RAB3IP: variants seen among roughly 807,000 people sequenced by gnomAD.
The protein encoded by RAB3IP is RAB3A interacting protein, also known as rab-3A-interacting protein.
Under a neutral mutation model 59.1 loss-of-function variants are expected in RAB3IP, and 36 were observed. The ratio of observed to expected loss-of-function variants is 0.61; its 90% confidence interval spans 0.47 to 0.80. The LOEUF (loss-of-function observed/expected upper bound fraction) is 0.80, where lower values mean the gene tolerates loss of function less well. Ranked by LOEUF, RAB3IP falls within the 30% of genes least tolerant of loss-of-function variation. The pLI is 0.00. For synonymous variants in RAB3IP, 207 were observed against 191.2 expected, an observed-to-expected ratio of 1.08 and a Z score of -0.68; for missense variants, 511 against 536.0, an observed-to-expected ratio of 0.95 and a Z score of 0.46.
Position 69,815,684 on chromosome 12 carries a change from C to CA in RAB3IP, c.*252dup, listed in dbSNP as rs373112558. ...ACTAGTGAATGTAATTTATAGTTGC[C>CA]AAAAAAAAAAAAAACCTGAAATAAA... On this transcript the variant is annotated 3_prime_UTR_variant, in exon 11 of 11. Transcript: ENST00000247833. 12,841 of 211,928 alleles carry CA rather than the reference C, an allele frequency of 0.061. 145 individuals are homozygous for CA. Among genetic ancestry groups the CA allele is most frequent in the Middle Eastern group, 0.08 (53 of 664 alleles). 13.1% of individuals were successfully genotyped at this position (211,928 alleles called of 1,614,324 possible). A position where few individuals can be genotyped will look rare whatever the true frequency, so the allele number is the denominator to read the frequency against.
chr12:69,811,652 G>C (rs1440306648), intron 8 of RAB3IP, among the ~76,000 whole-genome samples: 1 of 152,102 alleles, frequency 6.6e-6, no homozygotes, highest in Non-Finnish European at 1.5e-5. Context: ...CTAGTAGTTA[G>C]TGCTTTTAAA....
chr12:69,753,684 T>C (rs10735956), intron 1 of RAB3IP, among the ~76,000 whole-genome samples: 151,012 of 152,306 alleles, frequency 0.99, 74,879 homozygotes, highest in Middle Eastern at 1. Flanking sequence ...AAGATGTTAT[T>C]CACAACTGTC....
intron 8 of RAB3IP, among the ~76,000 whole-genome samples, chr12:69,810,529 A>G (rs1409329342): frequency 1.3e-5 from 2 of 152,202 alleles, no homozygotes; most frequent in East Asian, 3.9e-4. Flanking sequence ...CTCCAGAAAT[A>G]AAAACTGGTT....
At chr12:69,780,165 C>T (rs1035930819) in intron 3 of RAB3IP, among the ~76,000 whole-genome samples, 4 of 152,158 alleles carry the variant, frequency 2.6e-5, no homozygotes, top group Non-Finnish European at 5.9e-5. Flanking sequence ...GGCCAACGAC[C>T]CGAACCTGGA....
At chr12:69,795,612 G>C in intron 6 of RAB3IP, 1 of 519,682 alleles carries the variant, frequency 1.9e-6, no homozygotes, top group Non-Finnish European at 3.4e-6. Context: ...GTGTTGTCTA[G>C]AGGAGAGTGG....
chr12:69,758,079 G>C (rs1241021205), intron 3 of RAB3IP, among the ~76,000 whole-genome samples: 1 of 152,170 alleles, frequency 6.6e-6, no homozygotes, highest in African/African-American at 2.4e-5. Context: ...AAGGACTCTT[G>C]AATATAAAAA....
chr12:69,779,404 C>G (rs577068334), intron 3 of RAB3IP, among the ~76,000 whole-genome samples: 1 of 151,992 alleles, frequency 6.6e-6, no homozygotes, highest in African/African-American at 2.4e-5. Context: ...AGCTGTAGAC[C>G]GGAGCTGTTC....
In RAB3IP at chr12:69,820,871, A is replaced by AAAC. The variant is rs1555233330; in HGVS notation, c.*5427_*5428insCAA. The AAAC allele has an allele frequency of 2.6e-5, 4 of 151,780 alleles. No individual in the cohort carries two copies. Among genetic ancestry groups the AAAC allele is most frequent in the Admixed American group, 1.3e-4 (2 of 15,206 alleles). The allele number at this position is 151,780 out of a possible 1,614,324, so 9.4% of individuals were successfully genotyped here. ...GAAACTCCGTCTGAAAAAAAAAAAAAAAAACCCAAACTCAATAGAAAATCA... is the reference window on the plus strand; with the variant it reads ...GAAACTCCGTCTGAAAAAAAAAAAAAAACAAAACCCAAACTCAATAGAAAATCA... On this transcript the variant is annotated 3_prime_UTR_variant, in exon 11 of 11. Transcript: ENST00000247833.
At chr12:69,798,139 A>G (rs1373965403) in intron 6 of RAB3IP, among the ~76,000 whole-genome samples, 1 of 152,196 alleles carries the variant, frequency 6.6e-6, no homozygotes, top group Non-Finnish European at 1.5e-5. Context: ...CAGTCCCACC[A>G]ACAGTGTAAA....
intron 3 of RAB3IP, among the ~76,000 whole-genome samples, chr12:69,765,426 G>GAC: frequency 6.6e-6 from 1 of 152,084 alleles, no homozygotes; most frequent in Non-Finnish European, 1.5e-5. Flanking sequence ...TTCTATTTAT[G>GAC]TTGTGAATCA....
intron 8 of RAB3IP, among the ~76,000 whole-genome samples, chr12:69,802,375 G>A (rs1179288959): frequency 6.6e-6 from 1 of 151,996 alleles, no homozygotes; most frequent in Non-Finnish European, 1.5e-5. Context: ...TCATATGTGA[G>A]TCTTACTTGA....
chr12:69,796,705 G>T, intron 6 of RAB3IP: 2 of 564,334 alleles, frequency 3.5e-6, no homozygotes, highest in South Asian at 2.3e-5. Context: ...ATTCACATTG[G>T]TTTCTGTTAA....
chr12:69,786,285 T>G, intron 4 of RAB3IP, among the ~76,000 whole-genome samples: 1 of 152,266 alleles, frequency 6.6e-6, no homozygotes, highest in East Asian at 1.9e-4. Context: ...CAAGTAACAT[T>G]GCCCTGAATG....
At chr12:69,801,944 A>C (rs527688293) in intron 8 of RAB3IP, among the ~76,000 whole-genome samples, 24 of 147,308 alleles carry the variant, frequency 1.6e-4, no homozygotes, top group Admixed American at 6.0e-4. Context: ...GTTGGTGCAA[A>C]AGTAATCGTG....
chr12:69,779,684 AT>A (rs34446445), intron 3 of RAB3IP, among the ~76,000 whole-genome samples: 120,181 of 143,726 alleles, frequency 0.84, 50,892 homozygotes, highest in Non-Finnish European at 0.93. Context: ...TAGCTAGGGA[AT>A]TTTTTTTTTT....
Position 69,821,924 on chromosome 12 carries a change from C to G in RAB3IP, c.*6478C>G, listed in dbSNP as rs1481079522. 6.6e-6 allele frequency: 1 copy of G among 152,204 alleles called. No individual in the cohort carries two copies. The highest frequency in any genetic ancestry group is 1.5e-5 in the Non-Finnish European group (1 of 68,060). The allele number at this position is 152,204 out of a possible 1,614,324, so 9.4% of individuals were successfully genotyped here. A position where few individuals can be genotyped will look rare whatever the true frequency, so the allele number is the denominator to read the frequency against. On this transcript the variant is annotated 3_prime_UTR_variant, in exon 11 of 11. Transcript: ENST00000247833. ...CCTTGGAAGTATTTCAGTTCGGAAC[C>G]CCAATTCTAACCTTAGCTTCTCAGG...
chr12:69,791,269 T>G (rs957680026), intron 4 of RAB3IP, among the ~76,000 whole-genome samples: 4 of 152,134 alleles, frequency 2.6e-5, no homozygotes, highest in Non-Finnish European at 5.9e-5. Flanking sequence ...TTGACATTGG[T>G]CTGGGCAGTG....
Position 69,739,570 on chromosome 12 carries a change from G to T in RAB3IP, c.-26+539G>T. The T allele has an allele frequency of 7.6e-6, 4 of 526,080 alleles. No homozygotes were observed. The South Asian group carries it at 8.8e-5, about 12-fold the overall frequency. 32.6% of individuals were successfully genotyped at this position (526,080 alleles called of 1,614,324 possible). A position where few individuals can be genotyped will look rare whatever the true frequency, so the allele number is the denominator to read the frequency against. On this transcript the variant is annotated intron_variant, in intron 1 of 10. Transcript: ENST00000247833. Reference sequence around the variant, plus strand: ...CCCAGTCTTAGGAAACTACGCGCGAGGCACCGTGCTGAGGCGTAGAGGTCA... The same window carrying T: ...CCCAGTCTTAGGAAACTACGCGCGATGCACCGTGCTGAGGCGTAGAGGTCA...
In RAB3IP at chr12:69,796,739, TA is replaced by T. The variant is rs1284649051; in HGVS notation, c.888+1397del. ...AAATATTTAAGAAACTTCTTTGTCC[TA>T]ACTTTAATTCTAATTCTTTGGAATT... On this transcript the variant is annotated intron_variant, in intron 6 of 10. Coordinates refer to ENST00000247833, the MANE Select transcript of RAB3IP (RefSeq NM_022456.5). 14 of 491,230 alleles carry T rather than the reference TA, an allele frequency of 2.8e-5. No individual in the cohort carries two copies. The East Asian group carries it at 4.7e-4, about 16-fold the overall frequency. 30.4% of individuals were successfully genotyped at this position (491,230 alleles called of 1,614,324 possible). A position where few individuals can be genotyped will look rare whatever the true frequency, so the allele number is the denominator to read the frequency against.
Sources: gnomAD v4.1 joint callset for allele counts (sites outside exome capture counted in the v4.1 genomes callset) on GRCh38, gnomAD v4.1.1 for gene constraint, MANE v1.5 for transcripts, NCBI Gene and HGNC (gene_info 2026-07-23, HGNC 2026-07-21) for gene names.